The following TLN2 variants were observed in gnomAD, a reference collection of about 807,000 sequenced individuals.
The protein encoded by TLN2 is talin-2.
In TLN2, 118 loss-of-function variants were observed where a neutral mutation model predicts 294.7. The ratio of observed to expected loss-of-function variants is 0.40; its 90% confidence interval spans 0.34 to 0.47. The LOEUF (loss-of-function observed/expected upper bound fraction) is 0.47, where lower values mean the gene tolerates loss of function less well. TLN2 is among the 20% of genes least tolerant of loss of function. The pLI, the probability that TLN2 is intolerant of heterozygous loss-of-function variation, is 0.84. For synonymous variants in TLN2, 1,431 were observed against 1,304.5 expected (o/e 1.10, Z -2.09); for missense variants, 3,083 against 3,282.2 (o/e 0.94, Z 1.48).
At chr15:62,468,322 C>T (rs1212798029) in intron 1 of TLN2, among the ~76,000 whole-genome samples, 1 of 152,084 alleles carries the variant, frequency 6.6e-6, no homozygotes, top group Non-Finnish European at 1.5e-5. Context: ...AGGGTGTTGG[C>T]TGTGGGGTCC....
intron 1 of TLN2, among the ~76,000 whole-genome samples, chr15:62,498,455 T>C (rs1223679030): frequency 6.6e-6 from 1 of 152,210 alleles, no homozygotes; most frequent in African/African-American, 2.4e-5. Flanking sequence ...CTGAGGAGTT[T>C]GTTGGAATTA....
At chr15:62,439,493 A>G (rs1201958801) in intron 1 of TLN2, among the ~76,000 whole-genome samples, 1 of 152,062 alleles carries the variant, frequency 6.6e-6, no homozygotes, top group Admixed American at 6.6e-5. Flanking sequence ...TTGTATTTTT[A>G]GTAGAGACAG....
intron 1 of TLN2, among the ~76,000 whole-genome samples, chr15:62,468,427 C>T (rs1043317631): frequency 6.6e-6 from 1 of 152,168 alleles, no homozygotes; most frequent in African/African-American, 2.4e-5. Flanking sequence ...AGTCAGTTTT[C>T]ATTTCTGAAA....
At chr15:62,456,211 C>T (rs1319159076) in intron 1 of TLN2, among the ~76,000 whole-genome samples, 1 of 152,166 alleles carries the variant, frequency 6.6e-6, no homozygotes, top group African/African-American at 2.4e-5. Flanking sequence ...TGAGTCAGAT[C>T]TAAATATCCA....
chr15:62,684,975 G>C (rs2057159720), intron 11 of TLN2, among the ~76,000 whole-genome samples: 1 of 150,980 alleles, frequency 6.6e-6, no homozygotes, highest in African/African-American at 2.4e-5. Context: ...TATATATCTA[G>C]GCCTCTGAGA....
intron 47 of TLN2, 95 bp from the exon 48 acceptor site, chr15:62,797,110 TCAAAGCCCTTTAAC>T: frequency 8.0e-7 from 1 of 1,243,128 alleles, no homozygotes; most frequent in South Asian, 1.4e-5. Context: ...CTTCTCTTCT[TCAAAGCCCTTTAAC>T]AAAAGCCCCA....
chr15:62,393,849 C>CTT (rs35651315), intron 1 of TLN2, among the ~76,000 whole-genome samples: 17 of 138,284 alleles, frequency 1.2e-4, no homozygotes, highest in African/African-American at 2.4e-4. Flanking sequence ...TTGCCTGATT[C>CTT]TTTTTTTTTT....
intron 1 of TLN2, among the ~76,000 whole-genome samples, chr15:62,510,289 T>C (rs2039862200): frequency 6.6e-6 from 1 of 152,122 alleles, no homozygotes; most frequent in Admixed American, 6.5e-5. Context: ...TGGTGGCTCT[T>C]GAGTGGTGAA....
intron 1 of TLN2, among the ~76,000 whole-genome samples, chr15:62,545,176 G>T (rs1262108492): frequency 1.3e-5 from 2 of 151,552 alleles, no homozygotes; most frequent in African/African-American, 4.9e-5. Flanking sequence ...CTGACCTCAT[G>T]ATCTGCCCAC....
At chr15:62,816,849 A>G (rs2067158180) in intron 52 of TLN2, among the ~76,000 whole-genome samples, 1 of 152,234 alleles carries the variant, frequency 6.6e-6, no homozygotes, top group African/African-American at 2.4e-5. Flanking sequence ...TACAGCATAT[A>G]TTGTTGCAGA....
chr15:62,543,043 A>G (rs2041789505), intron 1 of TLN2, among the ~76,000 whole-genome samples: 1 of 152,098 alleles, frequency 6.6e-6, no homozygotes, highest in African/African-American at 2.4e-5. Context: ...ATAATCAAGG[A>G]GAGATTGTTT....
intron 1 of TLN2, among the ~76,000 whole-genome samples, chr15:62,444,195 G>A (rs1395598499): frequency 6.6e-6 from 1 of 152,142 alleles, no homozygotes; most frequent in Non-Finnish European, 1.5e-5. Context: ...TGAGGAGGAG[G>A]GTGAGGCTAG....
intron 3 of TLN2, among the ~76,000 whole-genome samples, chr15:62,646,337 A>C (rs937266747): frequency 2.0e-5 from 3 of 151,728 alleles, no homozygotes; most frequent in Non-Finnish European, 2.9e-5. Flanking sequence ...TAATTTTCAT[A>C]TTTTTAATAG....
At chr15:62,414,509 C>T (rs965860067) in intron 1 of TLN2, among the ~76,000 whole-genome samples, 3 of 140,210 alleles carry the variant, frequency 2.1e-5, no homozygotes, top group Non-Finnish European at 3.0e-5. Context: ...TCCAACCTCA[C>T]CCCCAAACTA....
At position 62,776,914 on chromosome 15, in the gene TLN2, G is replaced by A. The variant is rs576054695; in HGVS notation, c.5514+4G>A. 49 of 1,563,320 alleles carry A rather than the reference G, an allele frequency of 3.1e-5. No individual in the cohort carries two copies. The South Asian group carries it at 5.3e-4, about 17-fold the overall frequency. On this transcript the variant is annotated splice_donor_region_variant and intron_variant, in intron 43 of 58. Transcript: ENST00000636159. Reference sequence around the variant, plus strand: ...CATTGCAGAAGCCATGAGCAAGGTGGGCATGGGCTCTAGGGCTCTCTACTC... The same window carrying A: ...CATTGCAGAAGCCATGAGCAAGGTGAGCATGGGCTCTAGGGCTCTCTACTC...
rs2058447345 is a variant in TLN2, at chr15:62,697,742, A to G, written c.1347A>G (p.Ser449=). Residue 449 remains serine, a synonymous_variant, in exon 15 of 59, where the codon TCA becomes TCG. Coordinates refer to ENST00000636159, the MANE Select transcript of TLN2 (RefSeq NM_015059.3). The part of the protein sequence containing the change: ...FNRTGKAEHG[S]VALPAVMRSG... ...GGACCGGGAAGGCAGAGCACGGCTC[A>G]GTGGCGCTGCCGGCCGTGATGCGCT... 5.0e-6 allele frequency: 8 copies of G among 1,611,940 alleles called. No individual in the cohort carries two copies. Among genetic ancestry groups the G allele is most frequent in the Non-Finnish European group, 6.8e-6 (8 of 1,178,602 alleles).
At chr15:62,536,222 G>C (rs1374389727) in intron 1 of TLN2, among the ~76,000 whole-genome samples, 1 of 152,170 alleles carries the variant, frequency 6.6e-6, no homozygotes, top group South Asian at 2.1e-4. Context: ...ATCTTTTACA[G>C]CTACAACAAA....
At chr15:62,689,493 A>G (rs1318785429) in intron 12 of TLN2, among the ~76,000 whole-genome samples, 1 of 152,050 alleles carries the variant, frequency 6.6e-6, no homozygotes, top group Non-Finnish European at 1.5e-5. Context: ...TGCCTTTCTA[A>G]AGTTCCCAGC....
intron 4 of TLN2, among the ~76,000 whole-genome samples, chr15:62,649,564 G>T (rs1004845099): frequency 5.3e-5 from 8 of 151,960 alleles, no homozygotes; most frequent in African/African-American, 1.7e-4. Flanking sequence ...TTGGTGGTCG[G>T]GGTCAGAGGC....
Sources: allele counts gnomAD v4.1 joint callset (sites outside exome capture counted in the v4.1 genomes callset), GRCh38; gene constraint gnomAD v4.1.1; transcripts MANE v1.5; gene names NCBI Gene and HGNC (gene_info 2026-07-23, HGNC 2026-07-21).